Variants in SGPP1 observed in about 807,000 individuals in gnomAD.
SGPP1 encodes sphingosine-1-phosphate phosphatase 1, also known as hSPP1.
A neutral mutation model predicts 33.0 loss-of-function variants in SGPP1; 21 were observed. The observed-to-expected ratio is 0.64, with a 90% confidence interval of 0.45 to 0.92. The LOEUF (loss-of-function observed/expected upper bound fraction) is 0.92, where lower values mean the gene tolerates loss of function less well. Among genes scored for constraint, SGPP1 ranks in the 40% least tolerant of loss-of-function variants. The pLI is 0.00. For synonymous variants in SGPP1, 239 were observed against 241.2 expected (o/e 0.99, Z 0.08); for missense variants, 543 against 589.4 (o/e 0.92, Z 0.81).
chr14:63,727,652 C>A lies in SGPP1; in HGVS notation c.293G>T (p.Gly98Val). Residue 98 changes from glycine to valine, a missense_variant, in exon 1 of 3, where the codon GGC (glycine) becomes GTC (valine). Coordinates refer to ENST00000247225, the MANE Select transcript of SGPP1 (RefSeq NM_030791.4). ...GCCCGCGCGCCGCGGCGAGGCCGGG[C>A]CCAGCTCGGCCGCCAGCCCGTTCCG... ...GVRNGLAAELGPASPRRAGAL... is the reference protein window; with the variant it reads ...GVRNGLAAELVPASPRRAGAL... 1 of 1,347,726 alleles carries A rather than the reference C, an allele frequency of 7.4e-7. No individual in the cohort carries two copies. The highest frequency in any genetic ancestry group is 9.5e-7 in the Non-Finnish European group (1 of 1,058,192). The allele number at this position is 1,347,726 out of a possible 1,614,324, so 83.5% of individuals were successfully genotyped here.
intron 1 of SGPP1, among the ~76,000 whole-genome samples, chr14:63,703,230 AAAGT>A (rs1470168605): frequency 2.0e-5 from 3 of 152,164 alleles, no homozygotes; most frequent in Non-Finnish European, 4.4e-5. Flanking sequence ...CCCTAAAATG[AAAGT>A]AAGAAAAATA....
intron 1 of SGPP1, among the ~76,000 whole-genome samples, chr14:63,719,024 T>A (rs1413032949): frequency 2.8e-4 from 25 of 88,352 alleles, no homozygotes; most frequent in East Asian, 1.5e-3. Flanking sequence ...ATTTTTTTTT[T>A]TTTTTTTTTT....
intron 2 of SGPP1, among the ~76,000 whole-genome samples, chr14:63,694,051 G>A (rs572620683): frequency 4.9e-4 from 75 of 152,182 alleles, no homozygotes; most frequent in Non-Finnish European, 6.6e-4. Flanking sequence ...AGGTCAGGGC[G>A]AGTGGATCGC....
intron 1 of SGPP1, among the ~76,000 whole-genome samples, chr14:63,721,234 C>T (rs531768822): frequency 5.9e-5 from 9 of 152,270 alleles, no homozygotes; most frequent in South Asian, 2.1e-4. Flanking sequence ...GAGCCAAGAT[C>T]GTGCCACTGC....
intron 1 of SGPP1, among the ~76,000 whole-genome samples, chr14:63,719,869 C>T (rs1009357468): frequency 1.6e-4 from 24 of 150,542 alleles, no homozygotes; most frequent in African/African-American, 4.9e-4. Context: ...AATCCCAGAA[C>T]TTTGGGAGGC....
intron 1 of SGPP1, among the ~76,000 whole-genome samples, chr14:63,718,879 CA>C (rs1364686947): frequency 6.8e-6 from 1 of 147,620 alleles, no homozygotes; most frequent in Non-Finnish European, 1.5e-5. Context: ...GAAAGTTCTT[CA>C]ACTTTACTGA....
rs772159661 is a variant in SGPP1 at position 63,686,639 on chromosome 14, G to A, written c.792C>T (p.Phe264=). The A allele has an allele frequency of 6.2e-7, 1 of 1,606,332 alleles. No individual in the cohort carries two copies. The highest frequency in any genetic ancestry group is 1.7e-5 in the Admixed American group (1 of 59,740). Residue 264 remains phenylalanine, a synonymous_variant, in exon 3 of 3, where the codon TTC becomes TTT. Transcript: ENST00000247225. ...MHSILDIIAG[F]LYTILILAVF... ...CAGCTAAGATTAAAATGGTATATAG[G>A]AATCCAGCAATAATATCCTAGGAAA... is the stretch of plus-strand genomic sequence containing the variant.
intron 2 of SGPP1, among the ~76,000 whole-genome samples, chr14:63,693,295 T>C (rs1453149442): frequency 1.3e-5 from 2 of 152,206 alleles, no homozygotes; most frequent in Non-Finnish European, 2.9e-5. Flanking sequence ...TTACATTCCC[T>C]TTGTTTGCTA....
At chr14:63,692,757 A>T (rs1028108706) in intron 2 of SGPP1, among the ~76,000 whole-genome samples, 1 of 152,018 alleles carries the variant, frequency 6.6e-6, no homozygotes, top group East Asian at 1.9e-4. Flanking sequence ...CAGCCTCAAC[A>T]CTTTTTTTTT....
At chr14:63,723,133 T>C (rs190165560) in intron 1 of SGPP1, among the ~76,000 whole-genome samples, 206 of 152,232 alleles carry the variant, frequency 1.4e-3, no homozygotes, top group Non-Finnish European at 2.1e-3. Context: ...CAAACATAAA[T>C]GGAAAAGGAA....
At chr14:63,718,977 C>CACAT (rs1885689350) in intron 1 of SGPP1, among the ~76,000 whole-genome samples, 1 of 26,960 alleles carries the variant, frequency 3.7e-5, no homozygotes, top group Non-Finnish European at 6.3e-5. Context: ...TATGTATATA[C>CACAT]ATATATATAT....
chr14:63,706,148 C>T (rs749472562), intron 1 of SGPP1, among the ~76,000 whole-genome samples: 5 of 152,188 alleles, frequency 3.3e-5, no homozygotes, highest in African/African-American at 4.8e-5. Flanking sequence ...ACTTAAAAAA[C>T]ATTATGTTAA....
intron 2 of SGPP1, among the ~76,000 whole-genome samples, chr14:63,687,194 C>G (rs1884997705): frequency 6.6e-6 from 1 of 151,984 alleles, no homozygotes; most frequent in Admixed American, 6.6e-5. Context: ...TAATCCCATC[C>G]CTTTGGGAGG....
At chr14:63,706,870 T>G (rs925516628) in intron 1 of SGPP1, among the ~76,000 whole-genome samples, 1 of 151,790 alleles carries the variant, frequency 6.6e-6, no homozygotes, top group African/African-American at 2.4e-5. Flanking sequence ...TGGCGAAACC[T>G]TGTCTCTACT....
chr14:63,708,007 A>C (rs191200586), intron 1 of SGPP1, among the ~76,000 whole-genome samples: 1 of 152,226 alleles, frequency 6.6e-6, no homozygotes, highest in East Asian at 1.9e-4. Context: ...GCAAACTCAA[A>C]TTCTGTCTTT....
intron 2 of SGPP1, among the ~76,000 whole-genome samples, chr14:63,696,517 A>C (rs1321151796): frequency 6.6e-6 from 1 of 152,238 alleles, no homozygotes; most frequent in Non-Finnish European, 1.5e-5. Flanking sequence ...CTAAAAAGAC[A>C]CAGAAGATAG....
At chr14:63,697,846 A>G (rs141174370) in intron 2 of SGPP1, among the ~76,000 whole-genome samples, 206 of 152,352 alleles carry the variant, frequency 1.4e-3, no homozygotes, top group African/African-American at 3.8e-3. Context: ...ATAATTCAGT[A>G]TAGCATCGTA....
chr14:63,701,948 TAA>T (rs1251022184), intron 1 of SGPP1, among the ~76,000 whole-genome samples: 3 of 107,384 alleles, frequency 2.8e-5, no homozygotes, highest in Admixed American at 9.4e-5. Flanking sequence ...CCAAAAGAAG[TAA>T]AAAAAAAAAA....
chr14:63,707,338 G>C (rs775971433), intron 1 of SGPP1, among the ~76,000 whole-genome samples: 44 of 152,032 alleles, frequency 2.9e-4, no homozygotes, highest in Non-Finnish European at 5.9e-4. Flanking sequence ...CAGGATCTGT[G>C]TTCCAGTTCC....
Sources: allele counts gnomAD v4.1 joint callset (sites outside exome capture counted in the v4.1 genomes callset), GRCh38; gene constraint gnomAD v4.1.1; transcripts MANE v1.5; gene names NCBI Gene and HGNC (gene_info 2026-07-23, HGNC 2026-07-21).